DDB1: variants seen among roughly 807,000 people sequenced by gnomAD.
DDB1 encodes DNA damage-binding protein 1.
Under a neutral mutation model 133.1 loss-of-function variants are expected in DDB1, and 18 were observed. The observed-to-expected ratio is 0.14, with a 90% CI of 0.09 to 0.20. The LOEUF is 0.20. DDB1 is among the 10% of genes least tolerant of loss of function. The pLI is 1.00. For synonymous variants in DDB1, 580 were observed against 550.5 expected (o/e 1.05, Z -0.75); for missense variants, 828 against 1,459.2 (o/e 0.57, Z 7.05).
At chr11:61,313,739 A>G (rs1468636055) in intron 15 of DDB1, 33 bp from the exon 16 acceptor site, 3 of 1,583,474 alleles carry the variant, frequency 1.9e-6, no homozygotes, top group Non-Finnish European at 2.6e-6. Flanking sequence ...AGAAAGGAAG[A>G]AAGAAAACAG....
chr11:61,323,713 T>C (rs1355552893), intron 7 of DDB1: 27 of 405,442 alleles, frequency 6.7e-5, no homozygotes, highest in Non-Finnish European at 3.2e-5. Context: ...TGAAACCAGC[T>C]AGATTGATCT....
chr11:61,309,027 T>C lies in DDB1; in HGVS notation c.2617A>G (p.Met873Val), dbSNP rs1201046543. 2.7e-5 allele frequency: 43 copies of C among 1,614,042 alleles called. No individual in the cohort carries two copies. The highest frequency in any genetic ancestry group is 3.5e-5 in the Non-Finnish European group (41 of 1,180,054). Residue 873 changes from methionine (M) to valine (V), a missense_variant, in exon 21 of 27, where the codon ATG (methionine) becomes GTG (valine). Around this residue, in one of 7 missense-constraint regions of DDB1, gnomAD observed 36 missense variants for 139.9 expected, o/e 0.26. Transcript: ENST00000301764. ...AACAGCTTCCCGTTAAATTCCACCA[T>C]AGAGTACACGGCCCCTTTCACTTCC... is the stretch of plus-strand genomic sequence containing the variant. ...EKEVKGAVYS[M>V]VEFNGKLLAS... is the part of the protein sequence containing the mutation.
chr11:61,303,063 A>G lies in DDB1; in HGVS notation c.2925T>C (p.Phe975=), dbSNP rs140169400. 9 of 1,614,190 alleles carry G rather than the reference A, an allele frequency of 5.6e-6. No individual in the cohort carries two copies. The South Asian group carries it at 9.9e-5, about 18-fold the overall frequency. ...CTACTCACCTATCCTTTTGACACAC[A>G]AACAAGTTAAAGGCATTTTCAGCCC... ...FLGAENAFNL[F]VCQKDSAATT... The change falls in exon 23 of 27, where the codon TTT becomes TTC. Residue 975 remains phenylalanine, a synonymous_variant. Transcript: ENST00000301764.
chr11:61,303,767 C>A, intron 22 of DDB1, 98 bp downstream of exon 22: 2 of 1,275,654 alleles, frequency 1.6e-6, no homozygotes, highest in South Asian at 1.4e-5. Flanking sequence ...AACATTTCTG[C>A]CCCTAATACT....
rs1856015070 is a variant in DDB1 at position 61,313,688 on chromosome 11, T to C, written c.1880A>G (p.Lys627Arg). 1.2e-6 allele frequency: 2 copies of C among 1,612,262 alleles called. No homozygotes were observed. Among genetic ancestry groups the C allele is most frequent in the Non-Finnish European group, 1.7e-6 (2 of 1,179,032 alleles). The change falls in exon 16 of 27, where the codon AAG (lysine) becomes AGG (arginine). Residue 627 changes from lysine to arginine, a missense_variant. By Grantham distance (26) the Lys-to-Arg change is conservative. Coordinates refer to ENST00000301764, the MANE Select transcript of DDB1 (RefSeq NM_001923.5). ...GGGCTGGGTGCCCAAAGTCACCTTC[T>C]TACGGTCGCTCAACAGACCTACAGA... ...NIETGLLSDR[K>R]KVTLGTQPTV...
At chr11:61,319,777 T>C (rs1856148448) in intron 10 of DDB1, among the ~76,000 whole-genome samples, 1 of 152,196 alleles carries the variant, frequency 6.6e-6, no homozygotes, top group African/African-American at 2.4e-5. Context: ...GCTTCTTCCT[T>C]TTTCCATTTG....
At chr11:61,321,920 T>C (rs1856186140) in intron 9 of DDB1, 1 of 567,520 alleles carries the variant, frequency 1.8e-6, no homozygotes, top group Admixed American at 3.1e-5. Flanking sequence ...CCACTGCTCC[T>C]AGCAAGCTTG....
At chr11:61,300,331 G>A in intron 26 of DDB1, 112 bp from the exon 27 acceptor site, 1 of 1,133,202 alleles carries the variant, frequency 8.8e-7, no homozygotes, top group East Asian at 2.5e-5. Flanking sequence ...TGTCATGGCA[G>A]AGGAAGGACT....
At chr11:61,325,493 T>C in intron 6 of DDB1, 118 bp downstream of exon 6, 7 of 787,898 alleles carry the variant, frequency 8.9e-6, no homozygotes, top group Non-Finnish European at 1.4e-5. Flanking sequence ...CTTATATACA[T>C]AGTAAATTGT....
intron 25 of DDB1, 160 bp from the exon 26 acceptor site, chr11:61,301,092 A>C (rs1855785124): frequency 9.6e-7 from 1 of 1,039,520 alleles, no homozygotes; most frequent in Non-Finnish European, 1.4e-6. Flanking sequence ...GGAATTGAAA[A>C]AAATGTAAAA....
Position 61,301,007 on chromosome 11 carries a change from C to A in DDB1, c.3216-75G>T, listed in dbSNP as rs922845714. 1.4e-5 allele frequency: 23 copies of A among 1,586,508 alleles called. 1 individual carries two copies. In the Admixed American group the frequency reaches 3.6e-4, roughly 25 times the overall value. The stretch of plus-strand genomic sequence containing the variant: ...AGTCATCCCCACCTTTGAATAAGAC[C>A]ACAATCTAAAGCAATCATCAGGATT... On this transcript the variant is annotated intron_variant, in intron 25 of 26. Coordinates refer to ENST00000301764, the MANE Select transcript of DDB1 (RefSeq NM_001923.5).
At chr11:61,321,320 C>T (rs1856174810) in intron 10 of DDB1, 1 of 270,590 alleles carries the variant, frequency 3.7e-6, no homozygotes, top group African/African-American at 2.2e-5. Flanking sequence ...TATCGGTTGC[C>T]TCATATAAAC....
chr11:61,328,363 T>G lies in DDB1; in HGVS notation c.549+1000A>C, dbSNP rs528330019. Among the ~76,000 whole-genome samples, 11 of 152,348 alleles carry G rather than the reference T, an allele frequency of 7.2e-5. No homozygotes were observed. In the East Asian group the frequency reaches 2.1e-3, roughly 29 times the overall value. ...TGTGCCAACACACTCTATGTGGAAC[T>G]GGACTATCATTTCCTTCCATCACTT... On this transcript the variant is annotated intron_variant, in intron 4 of 26. Coordinates refer to ENST00000301764, the MANE Select transcript of DDB1 (RefSeq NM_001923.5).
rs1396531569 is a variant in DDB1 at position 61,333,082 on chromosome 11, C to A, written c.-114G>T. ...CAGCGAACTCCACTGCCGCTGCCTC[C>A]GCCCCAGAGACACGTTGCAGGCCAG... On this transcript the variant is annotated 5_prime_UTR_variant, in exon 1 of 27. Coordinates refer to ENST00000301764, the MANE Select transcript of DDB1 (RefSeq NM_001923.5). 3 of 1,004,652 alleles carry A rather than the reference C, an allele frequency of 3.0e-6. No individual in the cohort carries two copies. The highest frequency in any genetic ancestry group is 4.1e-6 in the Non-Finnish European group (3 of 726,538). The allele number at this position is 1,004,652 out of a possible 1,614,324, so 62.2% of individuals were successfully genotyped here.
intron 21 of DDB1, among the ~76,000 whole-genome samples, chr11:61,308,374 G>C (rs543303273): frequency 2.6e-5 from 4 of 152,270 alleles, no homozygotes; most frequent in African/African-American, 7.2e-5. Flanking sequence ...ATATGAAACA[G>C]CAAACCCCAC....
At chr11:61,310,145 C>G in intron 19 of DDB1, 150 bp downstream of exon 19, 1 of 1,359,524 alleles carries the variant, frequency 7.4e-7, no homozygotes, top group East Asian at 2.3e-5. Flanking sequence ...GCCCTCCAAA[C>G]TCACTGCCAT....
chr11:61,314,003 A>C (rs907053821), intron 14 of DDB1, 34 bp from the exon 15 acceptor site: 1 of 1,614,136 alleles, frequency 6.2e-7, no homozygotes, highest in Non-Finnish European at 8.5e-7. Context: ...TTCTTGTTCC[A>C]CATTTTGACT....
intron 21 of DDB1, among the ~76,000 whole-genome samples, chr11:61,305,704 C>T (rs993330578): frequency 6.6e-6 from 1 of 152,160 alleles, no homozygotes; most frequent in Non-Finnish European, 1.5e-5. Flanking sequence ...CACTCTCAAC[C>T]TCCCCATCGC....
chr11:61,329,661 A>C, intron 3 of DDB1, 77 bp from the exon 4 acceptor site: 5 of 1,409,924 alleles, frequency 3.5e-6, no homozygotes, highest in Non-Finnish European at 4.8e-6. Flanking sequence ...CCACTTGTGC[A>C]GAAAAATTTT....
Sources: gnomAD v4.1 joint callset for allele counts (sites outside exome capture counted in the v4.1 genomes callset) on GRCh38, gnomAD v4.1.1 for gene constraint, gnomAD v4.1.1 regional missense constraint, MANE v1.5 for transcripts, NCBI Gene and HGNC (gene_info 2026-07-23, HGNC 2026-07-21) for gene names.